Variants in RGS7 observed in about 807,000 individuals in gnomAD.
RGS7 encodes the protein regulator of G-protein signaling 7.
RGS7 carries 27 observed loss-of-function variants against 81.1 expected under a neutral mutation model. The ratio of observed to expected loss-of-function variants is 0.33; its 90% CI spans 0.25 to 0.46. The LOEUF is 0.46. Ranked by LOEUF, RGS7 falls within the 20% of genes least tolerant of loss-of-function variation. The pLI, the probability that RGS7 is intolerant of heterozygous loss-of-function variation, is 1.00. For missense variants in RGS7, 396 were observed against 607.4 expected (o/e 0.65, Z 3.66); for synonymous variants, 208 against 207.7 (o/e 1.00, Z -0.01).
chr1:240,953,400 T>G (rs1456598022), intron 4 of RGS7, among the ~76,000 whole-genome samples: 1 of 151,856 alleles, frequency 6.6e-6, no homozygotes, highest in Non-Finnish European at 1.5e-5. Context: ...TATTCTCAGA[T>G]GCAAAGGAAT....
chr1:240,981,862 C>T (rs563883634), intron 4 of RGS7, among the ~76,000 whole-genome samples: 33 of 152,232 alleles, frequency 2.2e-4, no homozygotes, highest in Middle Eastern at 3.4e-3. Context: ...CTTGCATCTT[C>T]GTATACTGTT....
At chr1:241,307,833 A>G (rs1324452946) in intron 2 of RGS7, among the ~76,000 whole-genome samples, 3 of 152,060 alleles carry the variant, frequency 2.0e-5, no homozygotes, top group Non-Finnish European at 4.4e-5. Context: ...CTTCCCAGAG[A>G]AGTGGTTAGT....
chr1:240,986,642 C>A lies in RGS7; in HGVS notation c.176-3513G>T. On this transcript the variant is annotated intron_variant, in intron 3 of 18. Coordinates refer to ENST00000440928, the MANE Select transcript of RGS7 (RefSeq NM_001364886.1). ...TGTCGCCCAGGCTGGAGTGCAGTGG[C>A]GCAATCTCGGCTCACTGCAGGCTCC... is the stretch of plus-strand genomic sequence containing the variant. Among the ~76,000 whole-genome samples the A allele has an allele frequency of 1.6e-3, 2 of 1,260 alleles. 1 individual carries two copies. The highest frequency in any genetic ancestry group is 2.5e-3 in the Non-Finnish European group (2 of 802). The allele number at this position is 1,260 out of a possible 152,430, so 0.8% of individuals were successfully genotyped here. A position where few individuals can be genotyped will look rare whatever the true frequency, so the allele number is the denominator to read the frequency against.
intron 10 of RGS7, among the ~76,000 whole-genome samples, chr1:240,824,465 T>C (rs1279296214): frequency 6.6e-6 from 1 of 152,230 alleles, no homozygotes; most frequent in Non-Finnish European, 1.5e-5. Flanking sequence ...GGCTCAATTA[T>C]GGCGGAAGGG....
chr1:241,021,215 A>C (rs1265054015), intron 3 of RGS7, among the ~76,000 whole-genome samples: 1 of 152,088 alleles, frequency 6.6e-6, no homozygotes, highest in Non-Finnish European at 1.5e-5. Context: ...GCTGTCTGTG[A>C]GTCCTCATTC....
chr1:240,915,330 G>C (rs1318280439), intron 6 of RGS7, among the ~76,000 whole-genome samples: 1 of 152,124 alleles, frequency 6.6e-6, no homozygotes, highest in East Asian at 1.9e-4. Context: ...CACATGTGGA[G>C]ATCATGGCCC....
At chr1:240,943,761 C>T (rs12038552) in intron 4 of RGS7, among the ~76,000 whole-genome samples, 53,890 of 151,970 alleles carry the variant, frequency 0.35, 11,292 homozygotes, top group East Asian at 0.68. Context: ...ATGCTCCACA[C>T]GCTAGGTTTA....
At chr1:241,333,634 G>A (rs922776755) in intron 2 of RGS7, among the ~76,000 whole-genome samples, 9 of 152,016 alleles carry the variant, frequency 5.9e-5, no homozygotes, top group African/African-American at 1.7e-4. Flanking sequence ...TCTTAGATAC[G>A]GCACTCTTTT....
intron 2 of RGS7, among the ~76,000 whole-genome samples, chr1:241,262,911 C>T (rs1314580342): frequency 6.6e-6 from 1 of 152,048 alleles, no homozygotes; most frequent in Non-Finnish European, 1.5e-5. Flanking sequence ...GCAGCCTGGC[C>T]AACATGGTGA....
chr1:241,106,839 T>C (rs1332411796), intron 2 of RGS7, among the ~76,000 whole-genome samples: 3 of 150,544 alleles, frequency 2.0e-5, no homozygotes, highest in Non-Finnish European at 3.0e-5. Context: ...ATTTTATCCT[T>C]TTGTGATTTT....
chr1:240,816,389 A>G lies in RGS7; in HGVS notation c.711T>C (p.Ile237=), dbSNP rs753802402. 1 of 1,608,256 alleles carries G rather than the reference A, an allele frequency of 6.2e-7. No individual in the cohort carries two copies. Among genetic ancestry groups the G allele is most frequent in the South Asian group, 1.1e-5 (1 of 90,974 alleles). The change falls in exon 11 of 19, where the codon ATT becomes ATC. Residue 237 remains isoleucine, a synonymous_variant. Coordinates refer to ENST00000440928, the MANE Select transcript of RGS7 (RefSeq NM_001364886.1). The part of the protein sequence containing the change: ...RKSVYGLQND[I]RSHSPTHTPT... ...GTGTGTGGGTAGGACTGTGACTTCT[A>G]ATATCATTTTGTAAACCATAGACAG...
At chr1:240,832,672 G>C (rs1056381278) in intron 9 of RGS7, among the ~76,000 whole-genome samples, 3 of 152,224 alleles carry the variant, frequency 2.0e-5, no homozygotes, top group African/African-American at 7.2e-5. Flanking sequence ...GTGGTGAAGA[G>C]CGACAGTGAG....
At chr1:241,187,506 AG>A (rs756621208) in intron 2 of RGS7, among the ~76,000 whole-genome samples, 3 of 152,196 alleles carry the variant, frequency 2.0e-5, no homozygotes, top group Non-Finnish European at 2.9e-5. Flanking sequence ...TGAGGAAAGA[AG>A]GCTCCTTAAA....
rs1259293576 is a variant in RGS7, at chr1:240,784,957, T to C, written c.*7-8744A>G. Reference sequence around the variant, plus strand: ...CATATGGTGGTAAAATGAGATGCTATTGGACCAGAGATAGGGAATGTTTTT... The same window carrying C: ...CATATGGTGGTAAAATGAGATGCTACTGGACCAGAGATAGGGAATGTTTTT... On this transcript the variant is annotated intron_variant, in intron 18 of 18. Transcript: ENST00000440928. 3.3e-5 allele frequency among the ~76,000 whole-genome samples: 5 copies of C among 152,272 alleles called. No individual in the cohort carries two copies. In the East Asian group the frequency reaches 5.8e-4, roughly 18 times the overall value.
At chr1:241,345,644 A>C (rs977832331) in intron 2 of RGS7, among the ~76,000 whole-genome samples, 1 of 152,226 alleles carries the variant, frequency 6.6e-6, no homozygotes, top group Non-Finnish European at 1.5e-5. Context: ...ATTGCAATAT[A>C]AACTGCAAGG....
intron 2 of RGS7, among the ~76,000 whole-genome samples, chr1:241,106,745 A>ACCG (rs1180486682): frequency 1.5e-3 from 111 of 71,706 alleles, no homozygotes; most frequent in African/African-American, 0.013. Context: ...AAAAACCAAC[A>ACCG]CCACCACCAC....
At chr1:240,988,469 A>G (rs1216723676) in intron 3 of RGS7, among the ~76,000 whole-genome samples, 2 of 152,168 alleles carry the variant, frequency 1.3e-5, no homozygotes, top group African/African-American at 4.8e-5. Flanking sequence ...TTTCTGTTTG[A>G]GAAATGAAGT....
At chr1:240,803,027 T>C in intron 15 of RGS7, 34 bp from the exon 16 acceptor site, 4 of 1,455,288 alleles carry the variant, frequency 2.7e-6, no homozygotes, top group Non-Finnish European at 3.9e-6. Flanking sequence ...TGCTTCTTTA[T>C]GATTTCTTGG....
intron 6 of RGS7, among the ~76,000 whole-genome samples, chr1:240,896,914 G>T (rs944041417): frequency 2.6e-5 from 4 of 152,174 alleles, no homozygotes; most frequent in African/African-American, 9.7e-5. Flanking sequence ...TCCTATCCAT[G>T]AGCATGGAAT....
Sources: gnomAD v4.1 joint callset for allele counts (sites outside exome capture counted in the v4.1 genomes callset) on GRCh38, gnomAD v4.1.1 for gene constraint, MANE v1.5 for transcripts, NCBI Gene and HGNC (gene_info 2026-07-23, HGNC 2026-07-21) for gene names.